Variants in PLPP4 observed in about 807,000 individuals in gnomAD.
The protein encoded by PLPP4 is phospholipid phosphatase 4.
A neutral mutation model predicts 32.2 loss-of-function variants in PLPP4; 20 were observed. That is an observed-to-expected ratio of 0.62 (90% CI 0.44 to 0.90). The LOEUF (loss-of-function observed/expected upper bound fraction) is 0.90, where lower values mean the gene tolerates loss of function less well. Ranked by LOEUF, PLPP4 falls within the 40% of genes least tolerant of loss-of-function variation. The probability of loss-of-function intolerance (pLI) is 0.00; values close to 1 mark genes in which losing one functional copy is unlikely to be tolerated. For synonymous variants in PLPP4, 127 were observed against 133.0 expected, an observed-to-expected ratio of 0.95 and a Z score of 0.31; for missense variants, 257 against 353.1, an observed-to-expected ratio of 0.73 and a Z score of 2.18.
chr10:120,513,533 G>A (rs988303403), intron 2 of PLPP4, among the ~76,000 whole-genome samples: 8 of 152,238 alleles, frequency 5.3e-5, no homozygotes, highest in Non-Finnish European at 1.0e-4. Context: ...ATGCACTCGT[G>A]TTTCCAGAGA....
At chr10:120,466,814 A>C (rs1174715347) in intron 1 of PLPP4, among the ~76,000 whole-genome samples, 2 of 152,150 alleles carry the variant, frequency 1.3e-5, no homozygotes, top group African/African-American at 4.8e-5. Context: ...AAGCTGTGCC[A>C]GGTACCTTGC....
At chr10:120,527,070 G>C (rs1846428298) in intron 5 of PLPP4, among the ~76,000 whole-genome samples, 1 of 151,956 alleles carries the variant, frequency 6.6e-6, no homozygotes, top group South Asian at 2.1e-4. Context: ...AAAACCAGTA[G>C]GATGTCTGTC....
chr10:120,563,327 A>G (rs1024320618), intron 5 of PLPP4, among the ~76,000 whole-genome samples: 3 of 152,344 alleles, frequency 2.0e-5, no homozygotes, highest in African/African-American at 7.2e-5. Context: ...TGGAAAATAT[A>G]TAAGACTTGA....
intron 3 of PLPP4, 90 bp downstream of exon 3, chr10:120,514,091 T>G: frequency 9.7e-7 from 1 of 1,026,566 alleles, no homozygotes; most frequent in Non-Finnish European, 1.5e-6. Context: ...CCCAACTGAT[T>G]TTTTTCTTTT....
intron 1 of PLPP4, 152 bp from the exon 2 acceptor site, chr10:120,503,666 C>A (rs1845368676): frequency 1.9e-6 from 3 of 1,594,670 alleles, no homozygotes; most frequent in Non-Finnish European, 2.6e-6. Context: ...AGCCTTTGAA[C>A]CAGCTGAGAA....
rs58426120 is a variant in PLPP4, at chr10:120,552,165, GGTGTGT to G, written c.446-22928_446-22923del. On this transcript the variant is annotated intron_variant, in intron 5 of 6. Coordinates refer to ENST00000398250, the MANE Select transcript of PLPP4 (RefSeq NM_001030059.3). ...GTGATTGTGTTGTTAGTGGTGGTGG[GGTGTGT>G]GTGTGTGTGTGTGTGTGTGTGTGTG... is the stretch of plus-strand genomic sequence containing the variant. Among the ~76,000 whole-genome samples, 1,114 of 138,530 alleles carry G rather than the reference GGTGTGT, an allele frequency of 8.0e-3. 3 individuals carry two copies. The highest frequency in any genetic ancestry group is 0.011 in the South Asian group (43 of 4,002). 90.9% of individuals were successfully genotyped at this position (138,530 alleles called of 152,430 possible).
At chr10:120,489,376 A>AT (rs1844606714) in intron 1 of PLPP4, among the ~76,000 whole-genome samples, 1 of 152,200 alleles carries the variant, frequency 6.6e-6, no homozygotes, top group Admixed American at 6.5e-5. Flanking sequence ...ATTTGTTCAC[A>AT]GGGGAGCAGA....
intron 1 of PLPP4, among the ~76,000 whole-genome samples, chr10:120,477,091 C>T (rs1843960242): frequency 6.6e-6 from 1 of 152,144 alleles, no homozygotes. Context: ...AAAACAGTGT[C>T]TGCCTTAGAA....
intron 1 of PLPP4, among the ~76,000 whole-genome samples, chr10:120,475,576 T>C (rs550554157): frequency 6.6e-6 from 1 of 152,238 alleles, no homozygotes; most frequent in African/African-American, 2.4e-5. Flanking sequence ...ATCATACTTC[T>C]GTGGGATGCA....
At chr10:120,511,864 T>TG (rs1381920124) in intron 2 of PLPP4, among the ~76,000 whole-genome samples, 3 of 151,964 alleles carry the variant, frequency 2.0e-5, no homozygotes, top group Non-Finnish European at 4.4e-5. Flanking sequence ...GAGGCCGAGG[T>TG]GGCGGATCAT....
intron 1 of PLPP4, among the ~76,000 whole-genome samples, chr10:120,458,700 G>A (rs756096730): frequency 2.0e-5 from 3 of 152,132 alleles, no homozygotes; most frequent in Non-Finnish European, 4.4e-5. Flanking sequence ...GAGAACTTCA[G>A]TTGGATTTTG....
At chr10:120,516,595 C>G (rs1003686017) in intron 3 of PLPP4, among the ~76,000 whole-genome samples, 1 of 152,198 alleles carries the variant, frequency 6.6e-6, no homozygotes, top group Non-Finnish European at 1.5e-5. Flanking sequence ...GCTTACAAGC[C>G]GACTCACGGG....
intron 5 of PLPP4, among the ~76,000 whole-genome samples, chr10:120,569,618 A>G (rs549935229): frequency 6.6e-6 from 1 of 152,266 alleles, no homozygotes; most frequent in East Asian, 1.9e-4. Flanking sequence ...TGAGATGAAA[A>G]TCTCACATGG....
chr10:120,487,701 T>C (rs955304687), intron 1 of PLPP4, among the ~76,000 whole-genome samples: 3 of 152,154 alleles, frequency 2.0e-5, no homozygotes, highest in African/African-American at 7.2e-5. Context: ...TTCTCCATTG[T>C]TTGGGAGGGG....
Position 120,503,819 on chromosome 10 carries a change from T to C in PLPP4, c.58T>C (p.Phe20Leu), listed in dbSNP as rs200353240. ...TGTACTTTTCTTTTTATGTTTCAGT[T>C]TTACAGAGTTTTTGGATCCGTTCCA... ...VRALLFGVFV[F>L]TEFLDPFQRV... Residue 20 changes from phenylalanine (F) to leucine (L), a missense_variant and splice_region_variant, in exon 2 of 7, where the codon TTT becomes CTT. Transcript: ENST00000398250. The C allele has an allele frequency of 3.7e-5, 60 of 1,612,384 alleles. No individual in the cohort carries two copies. Among genetic ancestry groups the C allele is most frequent in the Non-Finnish European group, 4.7e-5 (55 of 1,178,974 alleles).
intron 1 of PLPP4, among the ~76,000 whole-genome samples, chr10:120,498,996 C>T (rs908850924): frequency 4.6e-5 from 7 of 152,314 alleles, no homozygotes; most frequent in African/African-American, 1.7e-4. Context: ...AGGCCTGACC[C>T]TCATCCCCAA....
intron 2 of PLPP4, among the ~76,000 whole-genome samples, chr10:120,506,900 CAG>C (rs1845516542): frequency 6.6e-6 from 1 of 152,160 alleles, no homozygotes; most frequent in African/African-American, 2.4e-5. Flanking sequence ...TCCTGTTGAC[CAG>C]AGAGACTGGC....
At chr10:120,480,759 C>T (rs185282459) in intron 1 of PLPP4, among the ~76,000 whole-genome samples, 2 of 152,174 alleles carry the variant, frequency 1.3e-5, no homozygotes, top group African/African-American at 4.8e-5. Flanking sequence ...TAATCTGCCC[C>T]CAACACTGCT....
chr10:120,477,342 C>A (rs1293697135), intron 1 of PLPP4, among the ~76,000 whole-genome samples: 2 of 146,504 alleles, frequency 1.4e-5, no homozygotes. Context: ...AAAGGTATGT[C>A]GAATAATTGT....
Sources: gnomAD v4.1 joint callset for allele counts (sites outside exome capture counted in the v4.1 genomes callset) on GRCh38, gnomAD v4.1.1 for gene constraint, MANE v1.5 for transcripts, NCBI Gene and HGNC (gene_info 2026-07-23, HGNC 2026-07-21) for gene names.